The following FGD4 variants were observed in gnomAD, a reference collection of about 807,000 sequenced individuals.
The protein encoded by FGD4 is FYVE, RhoGEF and PH domain-containing protein 4.
A neutral mutation model predicts 102.0 loss-of-function variants in FGD4; 42 were observed. The observed-to-expected ratio is 0.41, with a 90% CI of 0.32 to 0.53. The LOEUF (loss-of-function observed/expected upper bound fraction) is 0.53, where lower values mean the gene tolerates loss of function less well. Ranked by LOEUF, FGD4 falls within the 20% of genes least tolerant of loss-of-function variation. FGD4 has a pLI of 0.21. For synonymous variants in FGD4, 380 were observed against 375.7 expected, an observed-to-expected ratio of 1.01 and a Z score of -0.13; for missense variants, 902 against 1,078.2, an observed-to-expected ratio of 0.84 and a Z score of 2.29.
chr12:32,402,326 A>G (rs555668749), intron 1 of FGD4, among the ~76,000 whole-genome samples: 4 of 150,884 alleles, frequency 2.7e-5, no homozygotes, highest in African/African-American at 9.7e-5. Flanking sequence ...TGCGCTCAGG[A>G]GGTGGAGGCT....
rs373539846 is a variant in FGD4 at position 32,581,469 on chromosome 12, C to G, written c.504-491C>G. ...AAAAGTTTTGAGAGTATTCATTATG[C>G]CTTCCAAATAAAAAACTCTTTGGTT... On this transcript the variant is annotated intron_variant, in intron 3 of 16. Coordinates refer to ENST00000534526, the MANE Select transcript of FGD4 (RefSeq NM_001370298.3). Among the ~76,000 whole-genome samples, 10 of 152,222 alleles carry G rather than the reference C, an allele frequency of 6.6e-5. No homozygotes were observed. In the South Asian group the frequency reaches 2.1e-3, roughly 32 times the overall value.
intron 1 of FGD4, among the ~76,000 whole-genome samples, chr12:32,503,836 C>T (rs1358862082): frequency 6.6e-6 from 1 of 152,048 alleles, no homozygotes; most frequent in African/African-American, 2.4e-5. Context: ...TTGAAAGCCT[C>T]ATGTATGATT....
intron 2 of FGD4, among the ~76,000 whole-genome samples, chr12:32,571,493 T>C (rs1945663448): frequency 6.6e-6 from 1 of 152,054 alleles, no homozygotes; most frequent in Non-Finnish European, 1.5e-5. Flanking sequence ...TGTTAACCTA[T>C]AATCATGGGT....
At chr12:32,414,675 A>G (rs910802426) in intron 1 of FGD4, among the ~76,000 whole-genome samples, 1 of 152,164 alleles carries the variant, frequency 6.6e-6, no homozygotes, top group Non-Finnish European at 1.5e-5. Flanking sequence ...GAGAACATGC[A>G]AAGTTTGTCT....
At chr12:32,453,224 TAGATATATA>T (rs1942851178) in intron 1 of FGD4, among the ~76,000 whole-genome samples, 1 of 60,680 alleles carries the variant, frequency 1.6e-5, no homozygotes, top group Non-Finnish European at 2.9e-5. Context: ...ATATATAATA[TAGATATATA>T]TATATTTTTT....
intron 1 of FGD4, among the ~76,000 whole-genome samples, chr12:32,494,349 A>G (rs909150653): frequency 2.0e-5 from 3 of 152,148 alleles, no homozygotes; most frequent in Non-Finnish European, 4.4e-5. Context: ...TAAAATACCT[A>G]CACAGCTGTT....
In FGD4 at chr12:32,645,217, A is replaced by G. The variant is rs1156449487; in HGVS notation, c.*4684A>G. 1.3e-5 allele frequency: 2 copies of G among 152,188 alleles called. No individual in the cohort carries two copies. Among genetic ancestry groups the G allele is most frequent in the Non-Finnish European group, 2.9e-5 (2 of 68,042 alleles). 9.4% of individuals were successfully genotyped at this position (152,188 alleles called of 1,614,324 possible). On this transcript the variant is annotated 3_prime_UTR_variant, in exon 17 of 17. Coordinates refer to ENST00000534526, the MANE Select transcript of FGD4 (RefSeq NM_001370298.3). Reference sequence around the variant, plus strand: ...AGAATCACATTATATATTACACAGTATATGGATATTGGAATGTATCACTTG... The same window carrying G: ...AGAATCACATTATATATTACACAGTGTATGGATATTGGAATGTATCACTTG...
At chr12:32,593,433 G>A (rs531218705) in intron 4 of FGD4, among the ~76,000 whole-genome samples, 2 of 152,310 alleles carry the variant, frequency 1.3e-5, no homozygotes, top group East Asian at 3.9e-4. Flanking sequence ...GCTTATCCTT[G>A]TGTTGGCTTT....
At chr12:32,464,299 C>G (rs571927852) in intron 1 of FGD4, among the ~76,000 whole-genome samples, 2 of 152,072 alleles carry the variant, frequency 1.3e-5, no homozygotes, top group Admixed American at 1.3e-4. Flanking sequence ...ACTACAGGCG[C>G]GCACCACTTC....
chr12:32,516,398 C>T (rs548422946), intron 1 of FGD4, among the ~76,000 whole-genome samples: 1 of 152,038 alleles, frequency 6.6e-6, no homozygotes, highest in Non-Finnish European at 1.5e-5. Flanking sequence ...CTTATCTCAG[C>T]CTCCCAGAGT....
chr12:32,403,790 T>G (rs2136380151), intron 1 of FGD4, among the ~76,000 whole-genome samples: 1 of 152,022 alleles, frequency 6.6e-6, no homozygotes, highest in Non-Finnish European at 1.5e-5. Flanking sequence ...AGAGACGGGG[T>G]TTCACCTTGT....
intron 1 of FGD4, among the ~76,000 whole-genome samples, chr12:32,455,664 TAA>T (rs147739898): frequency 0.039 from 5,881 of 152,246 alleles, 177 homozygotes; most frequent in South Asian, 0.12. Flanking sequence ...TTGTTAAAAT[TAA>T]AGACTTTTTG....
Position 32,620,999 on chromosome 12 carries a change from G to A in FGD4, c.1922+1129G>A, listed in dbSNP as rs566605173. Among the ~76,000 whole-genome samples, 13 of 152,038 alleles carry A rather than the reference G, an allele frequency of 8.6e-5. No individual in the cohort carries two copies. In the East Asian group the frequency reaches 1.9e-3, roughly 23 times the overall value. On this transcript the variant is annotated intron_variant, in intron 11 of 16. Transcript: ENST00000534526. ...TTAAAGGATAAAAATCCATGAGAAC[G>A]ACTGCAGTTGATCATAGCTACCTCA... is the stretch of plus-strand genomic sequence containing the variant.
At chr12:32,527,391 C>T (rs1941361307) in intron 1 of FGD4, among the ~76,000 whole-genome samples, 1 of 151,882 alleles carries the variant, frequency 6.6e-6, no homozygotes, top group East Asian at 1.9e-4. Context: ...TGACCAGGGG[C>T]ACCACACACA....
chr12:32,563,883 C>T (rs80304386), intron 1 of FGD4, among the ~76,000 whole-genome samples: 3,352 of 152,146 alleles, frequency 0.022, 128 homozygotes, highest in African/African-American at 0.076. Context: ...GGCATGTAAT[C>T]GCAGGCACTC....
At chr12:32,529,775 G>A (rs749696238) in intron 1 of FGD4, among the ~76,000 whole-genome samples, 10 of 150,740 alleles carry the variant, frequency 6.6e-5, no homozygotes, top group Admixed American at 2.6e-4. Flanking sequence ...CCTGGGAGGC[G>A]GAAGTTGCAG....
At chr12:32,523,103 C>G (rs1744631484) in intron 1 of FGD4, among the ~76,000 whole-genome samples, 1 of 152,122 alleles carries the variant, frequency 6.6e-6, no homozygotes, top group South Asian at 2.1e-4. Flanking sequence ...TGTAAACCCC[C>G]TCCCGGGTCT....
At chr12:32,421,937 G>A (rs928998383) in intron 1 of FGD4, among the ~76,000 whole-genome samples, 6 of 151,772 alleles carry the variant, frequency 4.0e-5, no homozygotes, top group South Asian at 2.1e-4. Context: ...TCAGGAGATC[G>A]AGACCATCCT....
intron 4 of FGD4, among the ~76,000 whole-genome samples, chr12:32,589,055 C>G (rs946082689): frequency 1.3e-5 from 2 of 152,226 alleles, no homozygotes; most frequent in African/African-American, 4.8e-5. Flanking sequence ...TTCAACCTCC[C>G]TGTGCCTCAG....
Sources: allele counts gnomAD v4.1 joint callset (sites outside exome capture counted in the v4.1 genomes callset), GRCh38; gene constraint gnomAD v4.1.1; transcripts MANE v1.5; gene names NCBI Gene and HGNC (gene_info 2026-07-23, HGNC 2026-07-21).